CCDC15: variants seen among roughly 807,000 people sequenced by gnomAD.
The protein encoded by CCDC15 is coiled-coil domain-containing protein 15.
A neutral mutation model predicts 114.5 loss-of-function variants in CCDC15; 105 were observed. That is an observed-to-expected ratio of 0.92 (90% CI 0.78 to 1.08). The LOEUF is 1.08. Among genes scored for constraint, CCDC15 ranks in the 50% least tolerant of loss-of-function variants. The pLI is 0.00. For synonymous variants in CCDC15, 334 were observed against 377.8 expected (o/e 0.88, Z 1.34); for missense variants, 1,105 against 1,093.6 (o/e 1.01, Z -0.15).
chr11:124,959,727 T>A (rs1947623571), intron 3 of CCDC15, 88 bp from the exon 4 acceptor site: 35 of 765,974 alleles, frequency 4.6e-5, no homozygotes, highest in Non-Finnish European at 5.7e-5. Flanking sequence ...CACCCCAATT[T>A]AAAATCTTCT....
At chr11:124,954,621 C>A in intron 1 of CCDC15, 103 bp from the exon 2 acceptor site, 1 of 951,458 alleles carries the variant, frequency 1.1e-6, no homozygotes, top group Non-Finnish European at 1.6e-6. Context: ...CTTCTGCCTC[C>A]AGGGCTTCTC....
chr11:125,005,399 G>C (rs1157818709), intron 13 of CCDC15, among the ~76,000 whole-genome samples, 187 bp downstream of exon 13: 1 of 151,998 alleles, frequency 6.6e-6, no homozygotes, highest in Non-Finnish European at 1.5e-5. Flanking sequence ...TTTTCTATTA[G>C]ACTTGATTTT....
At chr11:125,018,367 A>G (rs914251572) in intron 13 of CCDC15, among the ~76,000 whole-genome samples, 28 of 152,084 alleles carry the variant, frequency 1.8e-4, no homozygotes, top group African/African-American at 6.5e-4. Flanking sequence ...CTGGTTGTGT[A>G]TAGGCTATAC....
intron 2 of CCDC15, among the ~76,000 whole-genome samples, chr11:124,957,601 G>A (rs532565818): frequency 6.6e-6 from 1 of 152,202 alleles, no homozygotes; most frequent in Non-Finnish European, 1.5e-5. Flanking sequence ...GAAAGAGGCC[G>A]AATGGCTTAA....
chr11:124,991,408 A>G (rs1948265745), intron 8 of CCDC15, 53 bp from the exon 9 acceptor site: 4 of 1,254,266 alleles, frequency 3.2e-6, no homozygotes, highest in East Asian at 2.5e-5. Flanking sequence ...TATTATTGCC[A>G]TCATATTAGT....
chr11:125,009,970 T>C (rs1002977932), intron 13 of CCDC15, among the ~76,000 whole-genome samples: 8 of 152,214 alleles, frequency 5.3e-5, no homozygotes, highest in African/African-American at 1.7e-4. Context: ...AACATATGAA[T>C]GCGTGTGCCT....
rs141933524 is a variant in CCDC15 at position 125,039,250 on chromosome 11, G to T, written c.2734+181G>T. 3.3e-3 allele frequency: 1,577 copies of T among 473,796 alleles called. 8 individuals carry two copies. The highest frequency in any genetic ancestry group is 3.5e-3 in the Non-Finnish European group (1,001 of 283,568). 29.3% of individuals were successfully genotyped at this position (473,796 alleles called of 1,614,324 possible). A position where few individuals can be genotyped will look rare whatever the true frequency, so the allele number is the denominator to read the frequency against. ...TATAATGAGTTATATTTCTCTTTGA[G>T]ATCTGTTATCTTCTTGTCTCCATTT... is the stretch of plus-strand genomic sequence containing the variant. On this transcript the variant is annotated intron_variant, in intron 15 of 15. Coordinates refer to ENST00000344762, the MANE Select transcript of CCDC15 (RefSeq NM_025004.3).
intron 8 of CCDC15, among the ~76,000 whole-genome samples, chr11:124,990,203 G>A (rs1948244697): frequency 1.3e-5 from 2 of 152,162 alleles, no homozygotes; most frequent in Admixed American, 6.5e-5. Context: ...GAGGCCTAAG[G>A]AGAGGTAGGG....
At chr11:125,007,645 T>A (rs1242018048) in intron 13 of CCDC15, among the ~76,000 whole-genome samples, 10 of 152,192 alleles carry the variant, frequency 6.6e-5, no homozygotes, top group African/African-American at 9.6e-5. Context: ...GTTTTTTTTT[T>A]AGAAATCTCC....
At chr11:125,038,260 T>C in intron 13 of CCDC15, 171 bp from the exon 14 acceptor site, 1 of 478,234 alleles carries the variant, frequency 2.1e-6, no homozygotes, top group Middle Eastern at 5.6e-4. Context: ...TCATTTCTCT[T>C]TGGGAGGAGA....
At chr11:125,036,128 A>G (rs1360470018) in intron 13 of CCDC15, among the ~76,000 whole-genome samples, 3 of 134,644 alleles carry the variant, frequency 2.2e-5, no homozygotes, top group Non-Finnish European at 4.7e-5. Context: ...TTTCAGATTA[A>G]AGAACTCCCT....
intron 3 of CCDC15, 63 bp downstream of exon 3, chr11:124,959,327 T>C: frequency 3.7e-6 from 5 of 1,334,404 alleles, no homozygotes; most frequent in South Asian, 1.5e-5. Context: ...TGAGATAAGC[T>C]ATTAGGCAGT....
intron 13 of CCDC15, among the ~76,000 whole-genome samples, chr11:125,015,173 C>A (rs915852840): frequency 6.6e-6 from 1 of 151,984 alleles, no homozygotes; most frequent in Non-Finnish European, 1.5e-5. Flanking sequence ...GGCTACAAAT[C>A]AATGTTTTAA....
intron 13 of CCDC15, 153 bp from the exon 14 acceptor site, chr11:125,038,278 G>T: frequency 1.9e-6 from 1 of 515,968 alleles, no homozygotes. Flanking sequence ...AGATAAAGCA[G>T]CCAGCAGAAA....
chr11:124,992,739 C>G lies in CCDC15; in HGVS notation c.2139+52C>G. 3 of 1,025,804 alleles carry G rather than the reference C, an allele frequency of 2.9e-6. No individual in the cohort carries two copies. In the South Asian group the frequency reaches 4.5e-5, roughly 15 times the overall value. 63.5% of individuals were successfully genotyped at this position (1,025,804 alleles called of 1,614,324 possible). On this transcript the variant is annotated intron_variant, in intron 10 of 15. Coordinates refer to ENST00000344762, the MANE Select transcript of CCDC15 (RefSeq NM_025004.3). The stretch of plus-strand genomic sequence containing the variant: ...GTATACCTTCTAAAAGGGGAACAAG[C>G]CTAAATCATATTAACATTGAGGCTG...
chr11:124,985,661 C>T (rs1948146301), intron 6 of CCDC15, among the ~76,000 whole-genome samples: 1 of 151,532 alleles, frequency 6.6e-6, no homozygotes, highest in Non-Finnish European at 1.5e-5. Context: ...GTGCTTTACC[C>T]ATTTTTTAAT....
intron 4 of CCDC15, among the ~76,000 whole-genome samples, chr11:124,962,326 G>A (rs1171602332): frequency 6.6e-6 from 1 of 152,178 alleles, no homozygotes; most frequent in Non-Finnish European, 1.5e-5. Flanking sequence ...ATAGAAACAT[G>A]TGATCTTGGA....
chr11:124,970,182 T>C (rs1204652822), intron 4 of CCDC15, among the ~76,000 whole-genome samples: 5 of 152,206 alleles, frequency 3.3e-5, no homozygotes, highest in Non-Finnish European at 5.9e-5. Context: ...GAGGACCCGT[T>C]AGCCTCTTTT....
intron 12 of CCDC15, 96 bp downstream of exon 12, chr11:125,004,055 A>G (rs980613431): frequency 1.2e-5 from 7 of 571,128 alleles, no homozygotes; most frequent in Non-Finnish European, 1.7e-5. Flanking sequence ...CTAACACATA[A>G]AAGAGCTAAT....
Sources: gnomAD v4.1 joint callset for allele counts (sites outside exome capture counted in the v4.1 genomes callset) on GRCh38, gnomAD v4.1.1 for gene constraint, MANE v1.5 for transcripts, NCBI Gene and HGNC (gene_info 2026-07-23, HGNC 2026-07-21) for gene names.